NXPE2: variants seen among roughly 807,000 people sequenced by gnomAD.
NXPE2 encodes NXPE family member 2.
A neutral mutation model predicts 34.4 loss-of-function variants in NXPE2; 34 were observed. The observed-to-expected ratio is 0.99, with a 90% CI of 0.75 to 1.31. The LOEUF (loss-of-function observed/expected upper bound fraction) is 1.31. Among genes scored for constraint, NXPE2 ranks in the 40% most tolerant of loss-of-function variants. The pLI, the probability that NXPE2 is intolerant of heterozygous loss-of-function variation, is 0.00. For synonymous variants in NXPE2, 235 were observed against 231.3 expected, an observed-to-expected ratio of 1.02 and a Z score of -0.15; for missense variants, 649 against 672.5, an observed-to-expected ratio of 0.97 and a Z score of 0.39.
chr11:114,646,957 C>T, the NXPE2 span, among the ~76,000 whole-genome samples: 1 of 152,170 alleles, frequency 6.6e-6, no homozygotes, highest in East Asian at 1.9e-4. Context: ...TGGAGATTAT[C>T]AGTGCTGTAA....
the NXPE2 span, among the ~76,000 whole-genome samples, chr11:114,768,479 T>C: frequency 3.3e-5 from 5 of 152,244 alleles, no homozygotes; most frequent in African/African-American, 9.6e-5. Context: ...GGGATAGCAT[T>C]GAATCTATAA....
At chr11:114,654,458 T>C in the NXPE2 span, among the ~76,000 whole-genome samples, 2 of 152,014 alleles carry the variant, frequency 1.3e-5, no homozygotes, top group Non-Finnish European at 2.9e-5. Flanking sequence ...CCATCTTCTA[T>C]GTGCCCTCCC....
the NXPE2 span, among the ~76,000 whole-genome samples, chr11:114,751,858 G>A: frequency 6.6e-6 from 1 of 152,158 alleles, no homozygotes; most frequent in East Asian, 1.9e-4. Flanking sequence ...AGGGGGGTTA[G>A]AGTCAGAGAA....
the NXPE2 span, among the ~76,000 whole-genome samples, chr11:114,489,446 C>G: frequency 2.6e-5 from 4 of 152,212 alleles, no homozygotes; most frequent in South Asian, 8.3e-4. Flanking sequence ...AACATTGATG[C>G]AAAAATCTTC....
chr11:114,626,006 A>T, the NXPE2 span, among the ~76,000 whole-genome samples: 2 of 152,214 alleles, frequency 1.3e-5, no homozygotes, highest in East Asian at 3.8e-4. Context: ...TATATCCCGC[A>T]TTTGGCTCAA....
the NXPE2 span, among the ~76,000 whole-genome samples, chr11:114,765,500 T>G: frequency 4.4e-3 from 677 of 152,332 alleles, 4 homozygotes; most frequent in Non-Finnish European, 5.0e-3. Context: ...AACATAACTT[T>G]TGTATATACT....
chr11:114,690,901 C>T (rs1951137200), intron 2 of NXPE2, among the ~76,000 whole-genome samples: 1 of 151,860 alleles, frequency 6.6e-6, no homozygotes, highest in African/African-American at 2.4e-5. Context: ...TTTTAAAATT[C>T]CTATAGTCAA....
the NXPE2 span, among the ~76,000 whole-genome samples, chr11:114,630,094 G>T: frequency 2.0e-5 from 3 of 151,348 alleles, no homozygotes; most frequent in African/African-American, 7.3e-5. Flanking sequence ...TGGCCATACT[G>T]CCCAAGGTAA....
At chr11:114,627,752 A>G in the NXPE2 span, among the ~76,000 whole-genome samples, 12,842 of 152,214 alleles carry the variant, frequency 0.084, 652 homozygotes, top group Middle Eastern at 0.2. Context: ...AAGACCCATC[A>G]GTGTGCTGTA....
At chr11:114,487,794 A>G in the NXPE2 span, among the ~76,000 whole-genome samples, 1 of 149,030 alleles carries the variant, frequency 6.7e-6, no homozygotes, top group South Asian at 2.1e-4. Context: ...TTTGTATGTG[A>G]TATGATATAT....
the NXPE2 span, among the ~76,000 whole-genome samples, chr11:114,590,350 A>G: frequency 6.6e-6 from 1 of 152,224 alleles, no homozygotes; most frequent in Non-Finnish European, 1.5e-5. Context: ...GGACCAGAGC[A>G]TTAGGGGAAG....
At chr11:114,658,503 G>A in the NXPE2 span, among the ~76,000 whole-genome samples, 1 of 152,162 alleles carries the variant, frequency 6.6e-6, no homozygotes, top group Admixed American at 6.5e-5. Flanking sequence ...CAGGCCTGGA[G>A]GGGGAGGGTA....
At chr11:114,703,099 G>A (rs1453763739) in intron 3 of NXPE2, among the ~76,000 whole-genome samples, 3 of 152,134 alleles carry the variant, frequency 2.0e-5, no homozygotes, top group Non-Finnish European at 4.4e-5. Flanking sequence ...ATATTGACTT[G>A]ATTCCTATCT....
At chr11:114,725,976 A>ATATCTATATATATATATATATATATATAT in the NXPE2 span, among the ~76,000 whole-genome samples, 1 of 101,768 alleles carries the variant, frequency 9.8e-6, no homozygotes, top group Non-Finnish European at 2.1e-5. Flanking sequence ...ATAAAAAAAA[A>ATATCTATATATATATATATATATATATAT]ATATATATAT....
At chr11:114,517,174 G>A in the NXPE2 span, among the ~76,000 whole-genome samples, 2 of 152,064 alleles carry the variant, frequency 1.3e-5, no homozygotes, top group Non-Finnish European at 2.9e-5. Context: ...GATCTTTCAG[G>A]TTCTCAGTAT....
At chr11:114,595,343 T>C in the NXPE2 span, among the ~76,000 whole-genome samples, 2 of 152,192 alleles carry the variant, frequency 1.3e-5, no homozygotes, top group Non-Finnish European at 1.5e-5. Context: ...TATTTTTCCA[T>C]GATTCATCTT....
At chr11:114,599,678 A>G in the NXPE2 span, among the ~76,000 whole-genome samples, 10 of 152,166 alleles carry the variant, frequency 6.6e-5, no homozygotes, top group Non-Finnish European at 4.4e-5. Flanking sequence ...CAGGTGTCTT[A>G]CATGGCCAGA....
chr11:114,547,913 A>G, the NXPE2 span, among the ~76,000 whole-genome samples: 1 of 152,206 alleles, frequency 6.6e-6, no homozygotes, highest in South Asian at 2.1e-4. Context: ...GGTACAGGGT[A>G]TAGAAGAACT....
the NXPE2 span, among the ~76,000 whole-genome samples, chr11:114,638,497 A>G: frequency 1.3e-5 from 2 of 151,820 alleles, no homozygotes; most frequent in East Asian, 1.9e-4. Context: ...ACTTTGTTCC[A>G]TTGCTGGTGA....
Sources: gnomAD v4.1 joint callset for allele counts (sites outside exome capture counted in the v4.1 genomes callset) on GRCh38, gnomAD v4.1.1 for gene constraint, MANE v1.5 for transcripts, NCBI Gene and HGNC (gene_info 2026-07-23, HGNC 2026-07-21) for gene names.